The following ST18 variants were observed in gnomAD, a reference collection of about 807,000 sequenced individuals.
The protein encoded by ST18 is ST18 C2H2C-type zinc finger transcription factor.
In ST18, 50 loss-of-function variants were observed where a neutral mutation model predicts 110.0. The ratio of observed to expected loss-of-function variants is 0.45; its 90% CI spans 0.36 to 0.58. The LOEUF (loss-of-function observed/expected upper bound fraction) is 0.58. Among genes scored for constraint, ST18 ranks in the 20% least tolerant of loss-of-function variants. ST18 has a pLI of 0.00. For missense variants in ST18, 1,306 were observed against 1,280.1 expected (o/e 1.02, Z -0.31); for synonymous variants, 461 against 452.4 (o/e 1.02, Z -0.24).
intron 13 of ST18, among the ~76,000 whole-genome samples, chr8:52,162,568 A>G (rs780930024): frequency 6.6e-6 from 1 of 152,224 alleles, no homozygotes; most frequent in African/African-American, 2.4e-5. Flanking sequence ...TTGAATTGCC[A>G]TCATCTCAAT....
At chr8:52,168,780 A>G (rs952642588) in intron 10 of ST18, among the ~76,000 whole-genome samples, 14 of 152,124 alleles carry the variant, frequency 9.2e-5, no homozygotes, top group African/African-American at 3.4e-4. Flanking sequence ...TTGTGGATAT[A>G]TGTTTTATTT....
chr8:52,228,061 T>C (rs1290317245), intron 3 of ST18, among the ~76,000 whole-genome samples: 1 of 152,210 alleles, frequency 6.6e-6, no homozygotes, highest in African/African-American at 2.4e-5. Flanking sequence ...GCATCTGGAA[T>C]ACTATAGATT....
intron 2 of ST18, among the ~76,000 whole-genome samples, chr8:52,306,138 T>C (rs570119479): frequency 1.3e-5 from 2 of 152,314 alleles, no homozygotes; most frequent in East Asian, 1.9e-4. Flanking sequence ...CTTCCCCACA[T>C]CCGTGTTGCT....
chr8:52,206,652 C>A (rs1477812641), intron 8 of ST18: 1 of 152,204 alleles, frequency 6.6e-6, no homozygotes. Context: ...TCATCAGCTT[C>A]TTGGGTGATC....
chr8:52,319,748 G>A (rs960065568), intron 2 of ST18, among the ~76,000 whole-genome samples: 13 of 152,160 alleles, frequency 8.5e-5, no homozygotes, highest in African/African-American at 3.1e-4. Flanking sequence ...GGTCAGATGT[G>A]AACTGGGGCA....
chr8:52,123,182 A>G (rs2045670130), intron 23 of ST18, among the ~76,000 whole-genome samples: 1 of 152,176 alleles, frequency 6.6e-6, no homozygotes, highest in South Asian at 2.1e-4. Context: ...TAATGTACAC[A>G]TTTTTTGATA....
chr8:52,154,655 T>C (rs1235466553), intron 15 of ST18: 1 of 152,190 alleles, frequency 6.6e-6, no homozygotes, highest in East Asian at 1.9e-4. Context: ...GTGGCCCCTT[T>C]GTGTCTTCCA....
chr8:52,394,329 A>AATAT (rs1840362250), intron 2 of ST18, among the ~76,000 whole-genome samples: 1 of 152,140 alleles, frequency 6.6e-6, no homozygotes, highest in Non-Finnish European at 1.5e-5. Flanking sequence ...TAAAATTAAA[A>AATAT]ATATATATAT....
chr8:52,308,233 A>G (rs778967484), intron 2 of ST18, among the ~76,000 whole-genome samples: 1 of 152,210 alleles, frequency 6.6e-6, no homozygotes, highest in Non-Finnish European at 1.5e-5. Context: ...AAAAAACCAC[A>G]TCGGCTGTGA....
At chr8:52,201,793 C>T (rs776100193) in intron 8 of ST18, among the ~76,000 whole-genome samples, 15 of 152,272 alleles carry the variant, frequency 9.9e-5, no homozygotes, top group Non-Finnish European at 1.8e-4. Flanking sequence ...TGACCCCTTC[C>T]TACAAGCAGC....
intron 2 of ST18, among the ~76,000 whole-genome samples, chr8:52,327,050 C>T (rs1288858621): frequency 3.3e-5 from 5 of 152,226 alleles, no homozygotes. Context: ...TTTGTTGTTA[C>T]TTGGTCCACA....
At chr8:52,303,153 C>G (rs1320196632) in intron 2 of ST18, among the ~76,000 whole-genome samples, 1 of 152,220 alleles carries the variant, frequency 6.6e-6, no homozygotes, top group Non-Finnish European at 1.5e-5. Flanking sequence ...TTTATTCTCT[C>G]ACAGCCCTGG....
At chr8:52,266,190 A>G (rs891150688) in intron 2 of ST18, among the ~76,000 whole-genome samples, 5 of 152,234 alleles carry the variant, frequency 3.3e-5, no homozygotes, top group African/African-American at 9.6e-5. Flanking sequence ...GAAAAATGCT[A>G]TTTTAAGGAT....
At chr8:52,327,449 T>C (rs1290414458) in intron 2 of ST18, among the ~76,000 whole-genome samples, 1 of 152,330 alleles carries the variant, frequency 6.6e-6, no homozygotes, top group Admixed American at 6.5e-5. Context: ...AAGGACATAG[T>C]TGAAAATATA....
chr8:52,138,089 G>C (rs1167836373), intron 17 of ST18, among the ~76,000 whole-genome samples: 1 of 113,726 alleles, frequency 8.8e-6, no homozygotes, highest in East Asian at 2.5e-4. Context: ...GTAAAACTCT[G>C]TCTCAAAAAA....
intron 9 of ST18, among the ~76,000 whole-genome samples, chr8:52,172,858 A>G (rs1395480975): frequency 6.6e-6 from 1 of 152,212 alleles, no homozygotes; most frequent in African/African-American, 2.4e-5. Flanking sequence ...AATTTCCAAC[A>G]TGTTAAGAGG....
intron 2 of ST18, among the ~76,000 whole-genome samples, chr8:52,329,397 T>G (rs756294876): frequency 2.4e-4 from 36 of 152,062 alleles, no homozygotes; most frequent in Non-Finnish European, 3.8e-4. Flanking sequence ...CCAAAGAGCA[T>G]GTTCATGACA....
intron 2 of ST18, among the ~76,000 whole-genome samples, chr8:52,239,105 G>A (rs1347725804): frequency 6.6e-6 from 1 of 152,140 alleles, no homozygotes; most frequent in African/African-American, 2.4e-5. Flanking sequence ...CACATATTAT[G>A]TAACTCTATT....
At chr8:52,287,710 C>T (rs763811861) in intron 2 of ST18, among the ~76,000 whole-genome samples, 10 of 152,146 alleles carry the variant, frequency 6.6e-5, no homozygotes, top group Admixed American at 2.6e-4. Context: ...AGACAGGCAA[C>T]CCCAGGTAGA....
Sources: gnomAD v4.1 joint callset for allele counts (sites outside exome capture counted in the v4.1 genomes callset) on GRCh38, gnomAD v4.1.1 for gene constraint, MANE v1.5 for transcripts, NCBI Gene and HGNC (gene_info 2026-07-23, HGNC 2026-07-21) for gene names.